Variants in CDH23 observed in about 807,000 individuals in gnomAD.
CDH23 encodes the protein cadherin related 23.
In CDH23, 189 loss-of-function variants were observed where a neutral mutation model predicts 317.1. That is an observed-to-expected ratio of 0.60 (90% CI 0.53 to 0.67). The LOEUF is 0.67. Among genes scored for constraint, CDH23 ranks in the 30% least tolerant of loss-of-function variants. The pLI is 0.00. For missense variants in CDH23, 4,401 were observed against 4,592.4 expected, an observed-to-expected ratio of 0.96 and a Z score of 1.20; for synonymous variants, 1,839 against 1,876.8, an observed-to-expected ratio of 0.98 and a Z score of 0.52.
chr10:71,766,359 GCCCGCCA>G (rs1202847525), intron 38 of CDH23, among the ~76,000 whole-genome samples: 1 of 151,848 alleles, frequency 6.6e-6, no homozygotes, highest in Non-Finnish European at 1.5e-5. Flanking sequence ...CAGGCCCCCC[GCCCGCCA>G]CCCGCCACCT....
intron 3 of CDH23, among the ~76,000 whole-genome samples, chr10:71,494,394 G>A (rs1207622138): frequency 6.6e-6 from 1 of 152,118 alleles, no homozygotes; most frequent in Non-Finnish European, 1.5e-5. Flanking sequence ...AATCATCTGG[G>A]GCTGGTACTG....
At chr10:71,452,071 G>T (rs1419381037) in intron 3 of CDH23, among the ~76,000 whole-genome samples, 3 of 152,220 alleles carry the variant, frequency 2.0e-5, no homozygotes. Context: ...GAACGGCAAG[G>T]CCCGCGCTGT....
At chr10:71,764,893 C>T (rs1433246729) in intron 38 of CDH23, among the ~76,000 whole-genome samples, 2 of 152,238 alleles carry the variant, frequency 1.3e-5, no homozygotes, top group African/African-American at 4.8e-5. Flanking sequence ...GACTAGCCAA[C>T]TCTCCTCTGC....
At chr10:71,469,763 C>T (rs1030365659) in intron 3 of CDH23, among the ~76,000 whole-genome samples, 2 of 152,072 alleles carry the variant, frequency 1.3e-5, no homozygotes, top group African/African-American at 4.8e-5. Flanking sequence ...GTGCTGCATG[C>T]CCAGCTAATT....
intron 9 of CDH23, among the ~76,000 whole-genome samples, chr10:71,586,378 A>G (rs1859064049): frequency 6.6e-6 from 1 of 152,154 alleles, no homozygotes; most frequent in Non-Finnish European, 1.5e-5. Flanking sequence ...GCCACCATTC[A>G]GTTTGCATTC....
In CDH23 at chr10:71,510,096, C is replaced by A. The variant is rs765455172; in HGVS notation, c.160C>A (p.Gln54Lys). The change falls in exon 4 of 70, where the codon CAG becomes AAG. Residue 54 changes from glutamine (Q) to lysine (K), a missense_variant. By Grantham distance (53) the Gln-to-Lys change is moderately conservative. This residue lies in a region of CDH23 where 3,068 missense variants were observed against 3,203.3 expected (regional missense o/e 0.96). Transcript: ENST00000224721. ...EDTPVGSSVT[Q>K]LLAQDMDNDP... ...GGCTACTCCAGGTTCTTCTGTGACC[C>A]AGTTGCTGGCCCAAGACATGGACAA... 1.9e-6 allele frequency: 3 copies of A among 1,614,034 alleles called. No individual in the cohort carries two copies. The South Asian group carries it at 3.3e-5, about 18-fold the overall frequency.
At position 71,590,882 on chromosome 10, in the gene CDH23, A is replaced by AAC. The variant is rs745952270; in HGVS notation, c.832+12891_832+12892insCA. On this transcript the variant is annotated intron_variant, in intron 9 of 69. Transcript: ENST00000224721. ...AGTGAGACCCTGTCTCTAAAAAAAA[A>AAC]AAAACAAAAAAAAACAAAAAAAAAC... Among the ~76,000 whole-genome samples the AAC allele has an allele frequency of 2.3e-3, 274 of 120,624 alleles. 7 individuals are homozygous for AAC. The highest frequency in any genetic ancestry group is 3.0e-3 in the African/African-American group (90 of 29,520). The allele number at this position is 120,624 out of a possible 152,430, so 79.1% of individuals were successfully genotyped here.
rs1455729110 is a variant in CDH23 at position 71,645,610 on chromosome 10, G to T, written c.1141-221G>T. On this transcript the variant is annotated intron_variant, in intron 12 of 69. Coordinates refer to ENST00000224721, the MANE Select transcript of CDH23 (RefSeq NM_022124.6). ...GTGGGCATCCGACAGCACAAGGAAGGAAAAGAGAGCCAGAGGAGGTTTCCA... is the reference window on the plus strand; with the variant it reads ...GTGGGCATCCGACAGCACAAGGAAGTAAAAGAGAGCCAGAGGAGGTTTCCA... The T allele has an allele frequency of 4.1e-6, 3 of 739,262 alleles. No homozygotes were observed. The African/African-American group carries it at 5.1e-5, about 13-fold the overall frequency. 45.8% of individuals were successfully genotyped at this position (739,262 alleles called of 1,614,324 possible).
chr10:71,785,671 G>T lies in CDH23; in HGVS notation c.5753G>T (p.Arg1918Leu). ...GTGAACCGGCCCCTGGACCGCGAGC[G>T]GATCCCAGAGTACAAGCTGACCATT... is the stretch of plus-strand genomic sequence containing the variant. ...VTVNRPLDRE[R>L]IPEYKLTISV... Residue 1918 changes from arginine to leucine, a missense_variant, in exon 44 of 70, where the codon CGG (arginine) becomes CTG (leucine). Transcript: ENST00000224721. 6.2e-7 allele frequency: 1 copy of T among 1,608,080 alleles called. No individual in the cohort carries two copies. Among genetic ancestry groups the T allele is most frequent in the Non-Finnish European group, 8.5e-7 (1 of 1,177,438 alleles).
chr10:71,761,501 G>T, intron 38 of CDH23: 2 of 1,366,842 alleles, frequency 1.5e-6, no homozygotes, highest in Non-Finnish European at 1.9e-6. Context: ...TACCCATGCA[G>T]CCTCACACTC....
intron 38 of CDH23, chr10:71,749,708 C>T (rs748503): frequency 0.17 from 25,342 of 152,398 alleles, 2,281 homozygotes; most frequent in East Asian, 0.3. Context: ...AACTGGGGGG[C>T]TTAGAAGCAG....
intron 1 of CDH23, among the ~76,000 whole-genome samples, chr10:71,404,272 A>C (rs546937118): frequency 6.6e-6 from 1 of 151,912 alleles, no homozygotes; most frequent in South Asian, 2.1e-4. Context: ...CTCCCACCCC[A>C]TGTTATCCCA....
chr10:71,491,698 G>C (rs567669091), intron 3 of CDH23, among the ~76,000 whole-genome samples: 3 of 152,134 alleles, frequency 2.0e-5, no homozygotes, highest in Non-Finnish European at 2.9e-5. Context: ...TTGGCAGATG[G>C]GGGAGACACA....
chr10:71,744,622 C>T (rs1839812359), intron 38 of CDH23, among the ~76,000 whole-genome samples: 1 of 152,214 alleles, frequency 6.6e-6, no homozygotes, highest in African/African-American at 2.4e-5. Context: ...CAGCCCCTGA[C>T]ATTCTGGTTC....
chr10:71,788,973 G>A lies in CDH23; in HGVS notation c.5854G>A (p.Glu1952Lys), dbSNP rs1214114972. Reference protein sequence around the residue: ...YDLLLIFLSDENDNHPLFTKS... With the variant: ...YDLLLIFLSDKNDNHPLFTKS... ...CTTGCTTCTGATCTTCCTTTCTGAT[G>A]AGAATGACAACCACCCCCTCTTCAC... The change falls in exon 45 of 70, where the codon GAG (glutamate) becomes AAG (lysine). Residue 1952 changes from glutamate (E) to lysine (K), a missense_variant. This residue lies in a region of CDH23 where 3,068 missense variants were observed against 3,203.3 expected (regional missense o/e 0.96). Transcript: ENST00000224721. 1.9e-6 allele frequency: 3 copies of A among 1,601,724 alleles called. No homozygotes were observed. Among genetic ancestry groups the A allele is most frequent in the Admixed American group, 1.7e-5 (1 of 60,016 alleles).
intron 1 of CDH23, among the ~76,000 whole-genome samples, chr10:71,426,963 C>T (rs1426567176): frequency 6.6e-6 from 1 of 151,814 alleles, no homozygotes; most frequent in Non-Finnish European, 1.5e-5. Context: ...CTCAGCAACA[C>T]AGTGAGACCT....
At chr10:71,515,390 TCTCTCACACA>T (rs1277914639) in intron 6 of CDH23, among the ~76,000 whole-genome samples, 7 of 58,722 alleles carry the variant, frequency 1.2e-4, no homozygotes, top group African/African-American at 3.3e-4. Context: ...TCTCTCTCTC[TCTCTCACACA>T]CACACACACA....
intron 3 of CDH23, among the ~76,000 whole-genome samples, chr10:71,462,564 C>G (rs1056681001): frequency 6.6e-6 from 1 of 152,246 alleles, no homozygotes. Flanking sequence ...GCTCTGCACC[C>G]TGGCTCTGCC....
intron 9 of CDH23, among the ~76,000 whole-genome samples, chr10:71,597,542 G>A (rs1462402260): frequency 6.6e-6 from 1 of 151,994 alleles, no homozygotes; most frequent in Non-Finnish European, 1.5e-5. Context: ...AGCCTGCTGT[G>A]GTGGTCCTTG....
Sources: gnomAD v4.1 joint callset for allele counts (sites outside exome capture counted in the v4.1 genomes callset) on GRCh38, gnomAD v4.1.1 for gene constraint, gnomAD v4.1.1 regional missense constraint, MANE v1.5 for transcripts, NCBI Gene and HGNC (gene_info 2026-07-23, HGNC 2026-07-21) for gene names.